The following DNAH11 variants were observed in gnomAD, a reference collection of about 807,000 sequenced individuals.
DNAH11 encodes the protein dynein axonemal heavy chain 11.
In DNAH11, 442 loss-of-function variants were observed where a neutral mutation model predicts 526.0. The ratio of observed to expected loss-of-function variants is 0.84; its 90% CI spans 0.78 to 0.91. The LOEUF is 0.91. Among genes scored for constraint, DNAH11 ranks in the 40% least tolerant of loss-of-function variants. The pLI, the probability that DNAH11 is intolerant of heterozygous loss-of-function variation, is 0.00. For synonymous variants in DNAH11, 2,461 were observed against 1,935.9 expected, an observed-to-expected ratio of 1.27 and a Z score of -7.12; for missense variants, 6,989 against 5,448.7, an observed-to-expected ratio of 1.28 and a Z score of -8.90.
In DNAH11 at chr7:21,738,976, T is replaced by C. The variant is rs996393298; in HGVS notation, c.7811+110T>C. On this transcript the variant is annotated intron_variant, in intron 47 of 81. Transcript: ENST00000409508. ...AATAATTATTATGGATGAATTATTATGGATGAATTCAAGTGCAATTATCCC... is the reference window on the plus strand; with the variant it reads ...AATAATTATTATGGATGAATTATTACGGATGAATTCAAGTGCAATTATCCC... 1.2e-4 allele frequency: 136 copies of C among 1,092,938 alleles called. No individual in the cohort carries two copies. The African/African-American group carries it at 1.9e-3, about 15-fold the overall frequency. 67.7% of individuals were successfully genotyped at this position (1,092,938 alleles called of 1,614,324 possible).
intron 37 of DNAH11, 66 bp from the exon 38 acceptor site, chr7:21,704,368 T>C (rs1784177957): frequency 6.9e-7 from 1 of 1,448,878 alleles, no homozygotes; most frequent in African/African-American, 1.4e-5. Context: ...ATAACAAACA[T>C]CTTTAGTTTT....
At position 21,789,808 on chromosome 7, in the gene DNAH11, T is replaced by TCTTTCTTTCTTCTTTC; in HGVS notation, c.10026+466_10026+467insCTTTCTTTCTTCTTTC. ...TTCTTTCTTTCTTTCTTTCTTTCTTTTTTCTTTCTTTCTTTCTTTCTTTCT... is the reference window on the plus strand; with the variant it reads ...TTCTTTCTTTCTTTCTTTCTTTCTTTCTTTCTTTCTTCTTTCTTTCTTTCTTTCTTTCTTTCTTTCT... On this transcript the variant is annotated intron_variant, in intron 61 of 81. Coordinates refer to ENST00000409508, the MANE Select transcript of DNAH11 (RefSeq NM_001277115.2). Among the ~76,000 whole-genome samples the TCTTTCTTTCTTCTTTC allele has an allele frequency of 4.1e-4, 14 of 34,128 alleles. No individual in the cohort carries two copies. In the East Asian group the frequency reaches 6.2e-3, roughly 15 times the overall value. 22.4% of individuals were successfully genotyped at this position (34,128 alleles called of 152,430 possible).
rs1782652632 is a variant in DNAH11 at position 21,543,244 on chromosome 7, C to CA, written c.1dup. 1 of 1,531,228 alleles carries CA rather than the reference C, an allele frequency of 6.5e-7. No homozygotes were observed. Among genetic ancestry groups the CA allele is most frequent in the Non-Finnish European group, 8.8e-7 (1 of 1,138,556 alleles). The allele number at this position is 1,531,228 out of a possible 1,614,324, so 94.9% of individuals were successfully genotyped here. A position where few individuals can be genotyped will look rare whatever the true frequency, so the allele number is the denominator to read the frequency against. On this transcript the variant is annotated 5_prime_UTR_variant, in exon 1 of 82. Transcript: ENST00000409508. ...CCTCGCGTTCCCTCGGACGGTTGCC[C>CA]AATGGCAGCCCAGGTGGCAGCCCGG...
At chr7:21,880,222 G>C (rs1393895291) in intron 74 of DNAH11, among the ~76,000 whole-genome samples, 2 of 152,128 alleles carry the variant, frequency 1.3e-5, no homozygotes, top group Non-Finnish European at 2.9e-5. Context: ...TTGGTTGGAT[G>C]ACACAAATGG....
chr7:21,808,543 C>A (rs1027432116), intron 63 of DNAH11, among the ~76,000 whole-genome samples: 4 of 152,146 alleles, frequency 2.6e-5, no homozygotes, highest in Non-Finnish European at 5.9e-5. Flanking sequence ...CTCTCCTCCA[C>A]TTCCCTCCCT....
intron 65 of DNAH11, among the ~76,000 whole-genome samples, chr7:21,834,450 A>G (rs949498445): frequency 6.6e-6 from 1 of 152,124 alleles, no homozygotes; most frequent in Admixed American, 6.6e-5. Context: ...AACAAACTAA[A>G]CCCAAAATTA....
intron 28 of DNAH11, among the ~76,000 whole-genome samples, chr7:21,644,265 A>G (rs1314383874): frequency 6.6e-6 from 1 of 151,978 alleles, no homozygotes; most frequent in Middle Eastern, 3.2e-3. Flanking sequence ...TCCCACAAGC[A>G]CAGTGTGTTT....
rs1788974862 is a variant in DNAH11 at position 21,801,170 on chromosome 7, T to G, written c.10060T>G (p.Ser3354Ala). Reference sequence around the variant, plus strand: ...TCGAAATCTGAGCAGACTCACGGCTTCATTTGAAAAAGCAACAGCTGAGAA... The same window carrying G: ...TCGAAATCTGAGCAGACTCACGGCTGCATTTGAAAAAGCAACAGCTGAGAA... Reference protein sequence around the residue: ...LDRNLSRLTASFEKATAEKVR... With the variant: ...LDRNLSRLTAAFEKATAEKVR... Residue 3354 changes from serine to alanine, a missense_variant, in exon 62 of 82, where the codon TCA becomes GCA. Ser to Ala is a moderately conservative substitution (Grantham distance 99, BLOSUM62 1). Coordinates refer to ENST00000409508, the MANE Select transcript of DNAH11 (RefSeq NM_001277115.2). 6.2e-7 allele frequency: 1 copy of G among 1,612,224 alleles called. No homozygotes were observed. Among genetic ancestry groups the G allele is most frequent in the Non-Finnish European group, 8.5e-7 (1 of 1,179,102 alleles).
intron 61 of DNAH11, among the ~76,000 whole-genome samples, chr7:21,795,235 G>T (rs1241019359): frequency 6.6e-6 from 1 of 152,166 alleles, no homozygotes; most frequent in Non-Finnish European, 1.5e-5. Flanking sequence ...CACAAAACCA[G>T]TTGGCTGCTA....
chr7:21,708,142 C>G (rs1784340564), intron 40 of DNAH11, among the ~76,000 whole-genome samples: 1 of 152,138 alleles, frequency 6.6e-6, no homozygotes, highest in Non-Finnish European at 1.5e-5. Flanking sequence ...TATAAAGTAC[C>G]TGATATGAGG....
At chr7:21,830,276 A>AAT (rs1554286052) in intron 65 of DNAH11, among the ~76,000 whole-genome samples, 2 of 152,088 alleles carry the variant, frequency 1.3e-5, no homozygotes, top group Non-Finnish European at 2.9e-5. Context: ...ATTGTAAAAA[A>AAT]ATTATGAATT....
chr7:21,866,327 A>C, intron 70 of DNAH11, 143 bp from the exon 71 acceptor site: 1 of 685,666 alleles, frequency 1.5e-6, no homozygotes, highest in African/African-American at 1.8e-5. Flanking sequence ...GAGCAAAAAA[A>C]AAAAAAAAGG....
intron 9 of DNAH11, among the ~76,000 whole-genome samples, chr7:21,585,472 A>G (rs1784451149): frequency 6.6e-6 from 1 of 152,186 alleles, no homozygotes; most frequent in Admixed American, 6.6e-5. Flanking sequence ...CTATTCCAGT[A>G]CCTGCTATTG....
intron 8 of DNAH11, among the ~76,000 whole-genome samples, chr7:21,575,849 G>T (rs940562806): frequency 8.6e-5 from 13 of 152,042 alleles, no homozygotes; most frequent in African/African-American, 3.1e-4. Flanking sequence ...CTATATTTTG[G>T]CAGTCATTCT....
intron 30 of DNAH11, among the ~76,000 whole-genome samples, chr7:21,661,486 T>C (rs1057425012): frequency 6.6e-5 from 10 of 152,094 alleles, no homozygotes; most frequent in Non-Finnish European, 1.5e-4. Flanking sequence ...ATTTATCTTA[T>C]GGCTTTTATT....
intron 18 of DNAH11, 77 bp downstream of exon 18, chr7:21,601,695 C>G: frequency 9.2e-7 from 1 of 1,092,478 alleles, no homozygotes; most frequent in Non-Finnish European, 1.3e-6. Flanking sequence ...CATGTACTCT[C>G]TTATGATGTC....
At chr7:21,832,610 C>T (rs762352197) in intron 65 of DNAH11, among the ~76,000 whole-genome samples, 1 of 152,166 alleles carries the variant, frequency 6.6e-6, no homozygotes, top group Non-Finnish European at 1.5e-5. Flanking sequence ...TAGTCTCACA[C>T]ATTTATTCTT....
intron 28 of DNAH11, among the ~76,000 whole-genome samples, chr7:21,639,376 A>T (rs1006406235): frequency 6.6e-6 from 1 of 152,148 alleles, no homozygotes; most frequent in Non-Finnish European, 1.5e-5. Context: ...TGGGACATCC[A>T]TTGCCTGGTT....
In DNAH11 at chr7:21,773,831, T is replaced by C. The variant is rs371441681; in HGVS notation, c.9168T>C (p.Ser3056=). ...AHVHTTVNEM[S]TRYYQNERRH... ...TTCACACCACTGTAAATGAAATGAG[T>C]ACCAGATATTACCAGAATGAGAGAA... Residue 3056 remains serine (S), a synonymous_variant, in exon 56 of 82, where the codon AGT becomes AGC. Transcript: ENST00000409508. 4 of 1,608,318 alleles carry C rather than the reference T, an allele frequency of 2.5e-6. No homozygotes were observed. Among genetic ancestry groups the C allele is most frequent in the South Asian group, 1.1e-5 (1 of 89,422 alleles).
Sources: gnomAD v4.1 joint callset for allele counts (sites outside exome capture counted in the v4.1 genomes callset) on GRCh38, gnomAD v4.1.1 for gene constraint, MANE v1.5 for transcripts, NCBI Gene and HGNC (gene_info 2026-07-23, HGNC 2026-07-21) for gene names.